Variants in ATG5 observed in about 807,000 individuals in gnomAD.
The protein encoded by ATG5 is autophagy protein 5.
Under a neutral mutation model 36.5 loss-of-function variants are expected in ATG5, and 14 were observed. That is an observed-to-expected ratio of 0.38 (90% CI 0.25 to 0.60). ATG5 has a LOEUF of 0.60. ATG5 is among the 20% of genes least tolerant of loss of function. The pLI is 0.60. For synonymous variants in ATG5, 95 were observed against 101.5 expected (o/e 0.94, Z 0.38); for missense variants, 195 against 326.7 (o/e 0.60, Z 3.11).
At chr6:106,195,583 T>C (rs1378998173) in intron 7 of ATG5, among the ~76,000 whole-genome samples, 1 of 152,186 alleles carries the variant, frequency 6.6e-6, no homozygotes, top group Non-Finnish European at 1.5e-5. Flanking sequence ...GTTAGAGATG[T>C]GGCTTCCTCC....
intron 4 of ATG5, among the ~76,000 whole-genome samples, chr6:106,282,452 C>G (rs1305008700): frequency 1.3e-5 from 2 of 152,128 alleles, no homozygotes; most frequent in African/African-American, 4.8e-5. Flanking sequence ...CCCTTTGCCC[C>G]AGAAGTAACC....
chr6:106,192,049 C>T (rs1262094343), intron 7 of ATG5, among the ~76,000 whole-genome samples: 2 of 151,928 alleles, frequency 1.3e-5, no homozygotes, highest in Admixed American at 6.6e-5. Flanking sequence ...AACCCAGACT[C>T]GATGATTATG....
intron 6 of ATG5, among the ~76,000 whole-genome samples, chr6:106,238,128 T>C (rs1323982075): frequency 6.6e-6 from 1 of 152,196 alleles, no homozygotes; most frequent in African/African-American, 2.4e-5. Flanking sequence ...CTATACTTTC[T>C]TGTCTTTACA....
chr6:106,260,490 A>G (rs1036889966), intron 5 of ATG5, among the ~76,000 whole-genome samples: 1 of 152,216 alleles, frequency 6.6e-6, no homozygotes. Context: ...ATGCTTCTTA[A>G]GTAGAAAAGC....
intron 5 of ATG5, chr6:106,271,488 A>G (rs979963998): frequency 2.0e-5 from 3 of 152,178 alleles, no homozygotes; most frequent in Non-Finnish European, 4.4e-5. Context: ...CAGACACTGA[A>G]TTGCAGGCAC....
chr6:106,280,726 CTT>C (rs768842958), intron 4 of ATG5, among the ~76,000 whole-genome samples: 24 of 152,144 alleles, frequency 1.6e-4, no homozygotes, highest in Admixed American at 1.0e-3. Flanking sequence ...CCTAACAACA[CTT>C]GAGGTAAACA....
chr6:106,242,074 A>G (rs1023947042), intron 6 of ATG5, among the ~76,000 whole-genome samples: 3 of 152,150 alleles, frequency 2.0e-5, no homozygotes, highest in Non-Finnish European at 2.9e-5. Flanking sequence ...ATGTATATAC[A>G]ATGGAATATT....
chr6:106,202,115 C>A, intron 6 of ATG5, 26 bp from the exon 7 acceptor site: 1 of 1,579,196 alleles, frequency 6.3e-7, no homozygotes, highest in South Asian at 1.1e-5. Context: ...AAAAATGATT[C>A]AAGCAATTAA....
intron 6 of ATG5, among the ~76,000 whole-genome samples, chr6:106,207,860 G>A (rs56654457): frequency 0.038 from 5,780 of 152,210 alleles, 211 homozygotes; most frequent in African/African-American, 0.095. Context: ...TTGGGAGGCC[G>A]AGGAGGGAGG....
chr6:106,278,712 T>C (rs1779755777), intron 5 of ATG5, among the ~76,000 whole-genome samples: 1 of 152,206 alleles, frequency 6.6e-6, no homozygotes, highest in Non-Finnish European at 1.5e-5. Context: ...CCAATTCCCT[T>C]TTTTCAATTA....
intron 6 of ATG5, among the ~76,000 whole-genome samples, chr6:106,220,037 C>G (rs1777181160): frequency 6.6e-6 from 1 of 152,016 alleles, no homozygotes; most frequent in African/African-American, 2.4e-5. Context: ...TTTTAAAAAG[C>G]TAACCATTGA....
At chr6:106,321,205 T>G (rs1345543950) in intron 1 of ATG5, among the ~76,000 whole-genome samples, 1 of 152,186 alleles carries the variant, frequency 6.6e-6, no homozygotes, top group Non-Finnish European at 1.5e-5. Flanking sequence ...ATAATTATAA[T>G]TTTCACAGGG....
chr6:106,322,220 A>G (rs1279465362), intron 1 of ATG5, among the ~76,000 whole-genome samples: 1 of 151,920 alleles, frequency 6.6e-6, no homozygotes, highest in African/African-American at 2.4e-5. Context: ...CCCACCAACA[A>G]CATCTGTTAA....
intron 6 of ATG5, among the ~76,000 whole-genome samples, chr6:106,223,625 G>C (rs144915225): frequency 2.8e-4 from 43 of 152,258 alleles, no homozygotes; most frequent in African/African-American, 9.1e-4. Context: ...TATCATTCAC[G>C]CATTCACTAT....
At chr6:106,309,235 G>A (rs1397654561) in intron 2 of ATG5, among the ~76,000 whole-genome samples, 2 of 152,026 alleles carry the variant, frequency 1.3e-5, no homozygotes, top group South Asian at 2.1e-4. Flanking sequence ...TTTTATAACC[G>A]CATCATCTTT....
chr6:106,307,891 T>C (rs1293797327), intron 3 of ATG5, among the ~76,000 whole-genome samples: 1 of 152,146 alleles, frequency 6.6e-6, no homozygotes, highest in Non-Finnish European at 1.5e-5. Flanking sequence ...AAAAAGGAAA[T>C]CAATATATTT....
At chr6:106,201,485 CAA>C (rs1362384044) in intron 7 of ATG5, among the ~76,000 whole-genome samples, 6 of 152,018 alleles carry the variant, frequency 3.9e-5, no homozygotes, top group African/African-American at 9.7e-5. Flanking sequence ...TGAAACAGGT[CAA>C]GTTTTTGAAC....
chr6:106,224,869 G>T (rs1296813762), intron 6 of ATG5, among the ~76,000 whole-genome samples: 1 of 152,090 alleles, frequency 6.6e-6, no homozygotes, highest in Non-Finnish European at 1.5e-5. Context: ...CAAAAAGAGC[G>T]AAACTCTTGT....
intron 7 of ATG5, 153 bp downstream of exon 7, chr6:106,201,819 T>TTAA (rs1776441938): frequency 2.2e-6 from 1 of 447,786 alleles, no homozygotes; most frequent in South Asian, 5.2e-5. Flanking sequence ...AAATAATATA[T>TTAA]TAAATATTAG....
Sources: allele counts gnomAD v4.1 joint callset (sites outside exome capture counted in the v4.1 genomes callset), GRCh38; gene constraint gnomAD v4.1.1; transcripts MANE v1.5; gene names NCBI Gene and HGNC (gene_info 2026-07-23, HGNC 2026-07-21).